MAST4: variants seen among roughly 807,000 people sequenced by gnomAD.
The protein encoded by MAST4 is microtubule-associated serine/threonine-protein kinase 4.
A neutral mutation model predicts 162.7 loss-of-function variants in MAST4; 89 were observed. The ratio of observed to expected loss-of-function variants is 0.55; its 90% CI spans 0.46 to 0.65. The LOEUF (loss-of-function observed/expected upper bound fraction) is 0.65. Among genes scored for constraint, MAST4 ranks in the 30% least tolerant of loss-of-function variants. MAST4 has a pLI of 0.00. For synonymous variants in MAST4, 1,479 were observed against 1,361.1 expected (o/e 1.09, Z -1.91); for missense variants, 3,153 against 3,374.0 (o/e 0.93, Z 1.62).
chr5:66,748,638 C>T (rs553601531), intron 1 of MAST4, among the ~76,000 whole-genome samples: 80 of 151,452 alleles, frequency 5.3e-4, no homozygotes, highest in East Asian at 2.2e-3. Context: ...TACAGGCGTG[C>T]GCAACCACAC....
At chr5:67,015,189 T>C (rs978434103) in intron 4 of MAST4, among the ~76,000 whole-genome samples, 24 of 152,218 alleles carry the variant, frequency 1.6e-4, no homozygotes, top group African/African-American at 5.8e-4. Context: ...TAAACACTTA[T>C]TTTGGCATTA....
At chr5:66,773,522 G>C (rs33728) in intron 2 of MAST4, among the ~76,000 whole-genome samples, 29,183 of 152,164 alleles carry the variant, frequency 0.19, 3,468 homozygotes, top group East Asian at 0.45. Flanking sequence ...AGTAAGAATA[G>C]AGGGGGAATC....
intron 6 of MAST4, among the ~76,000 whole-genome samples, chr5:67,090,914 C>T (rs1287493574): frequency 6.6e-6 from 1 of 151,824 alleles, no homozygotes; most frequent in Admixed American, 6.6e-5. Context: ...CTTCACCTTC[C>T]TGGGCTCCTT....
chr5:66,838,376 T>C (rs1758178707), intron 3 of MAST4, among the ~76,000 whole-genome samples: 1 of 152,182 alleles, frequency 6.6e-6, no homozygotes, highest in Admixed American at 6.5e-5. Flanking sequence ...CCCCATTCTT[T>C]GCTTTTCTTT....
intron 3 of MAST4, among the ~76,000 whole-genome samples, chr5:66,841,657 G>T (rs57517216): frequency 6.6e-6 from 1 of 152,036 alleles, no homozygotes; most frequent in African/African-American, 2.4e-5. Context: ...CTTCATAACC[G>T]AATTTAATCC....
intron 4 of MAST4, among the ~76,000 whole-genome samples, chr5:66,942,370 A>G (rs1743460215): frequency 6.6e-6 from 1 of 152,160 alleles, no homozygotes; most frequent in Non-Finnish European, 1.5e-5. Flanking sequence ...TTCTGATAGT[A>G]CCCATGGTAA....
chr5:66,775,029 GTGTGTGTA>G (rs756432223), intron 2 of MAST4, among the ~76,000 whole-genome samples: 2,679 of 144,322 alleles, frequency 0.019, 26 homozygotes, highest in East Asian at 0.046. Context: ...GTGTGTGTGT[GTGTGTGTA>G]TGTGTGTGTT....
At chr5:66,934,582 T>G (rs1361101079) in intron 4 of MAST4, among the ~76,000 whole-genome samples, 4 of 152,174 alleles carry the variant, frequency 2.6e-5, no homozygotes, top group African/African-American at 9.7e-5. Context: ...CCCTGAATTT[T>G]TTTTTTTCAG....
chr5:67,151,317 C>T lies in MAST4; in HGVS notation c.3296-1320C>T, dbSNP rs117355628. ...TTTCAGCATCTGACAAGGGCTTGTT[C>T]CTCATGGACAGCACCTTCTCTATTT... is the stretch of plus-strand genomic sequence containing the variant. On this transcript the variant is annotated intron_variant, in intron 24 of 28. Transcript: ENST00000403625. Among the ~76,000 whole-genome samples, 4 of 147,256 alleles carry T rather than the reference C, an allele frequency of 2.7e-5. No homozygotes were observed. The East Asian group carries it at 8.0e-4, about 30-fold the overall frequency.
chr5:66,992,254 A>G (rs1477805738), intron 4 of MAST4, among the ~76,000 whole-genome samples: 1 of 152,196 alleles, frequency 6.6e-6, no homozygotes, highest in African/African-American at 2.4e-5. Flanking sequence ...TGTCTGCATA[A>G]TTAGTAAATA....
At chr5:66,720,631 A>G (rs996140003) in intron 1 of MAST4, among the ~76,000 whole-genome samples, 1 of 151,824 alleles carries the variant, frequency 6.6e-6, no homozygotes, top group Non-Finnish European at 1.5e-5. Context: ...AGGTTTGTGT[A>G]TTTTATTGAT....
intron 1 of MAST4, among the ~76,000 whole-genome samples, chr5:66,700,796 TATATACACACAC>T (rs1749721089): frequency 8.6e-6 from 1 of 116,774 alleles, no homozygotes; most frequent in Non-Finnish European, 1.8e-5. Context: ...TATATATATA[TATATACACACAC>T]ACACACACAC....
At chr5:66,940,240 A>G (rs539522051) in intron 4 of MAST4, among the ~76,000 whole-genome samples, 1 of 152,200 alleles carries the variant, frequency 6.6e-6, no homozygotes, top group African/African-American at 2.4e-5. Context: ...ATGGCTGTTG[A>G]TTCATCAGGG....
chr5:67,057,910 C>G (rs1404189298), intron 5 of MAST4, among the ~76,000 whole-genome samples: 1 of 146,834 alleles, frequency 6.8e-6, no homozygotes, highest in Non-Finnish European at 1.5e-5. Context: ...AAATAGCCAA[C>G]AAAACATGAA....
At chr5:67,162,509 C>T in intron 27 of MAST4, 98 bp from the exon 28 acceptor site, 1 of 1,056,840 alleles carries the variant, frequency 9.5e-7, no homozygotes, top group East Asian at 2.4e-5. Context: ...GTATCCCTGT[C>T]CCTCACACGG....
chr5:67,135,038 G>A (rs1769443935), intron 18 of MAST4, among the ~76,000 whole-genome samples: 1 of 152,128 alleles, frequency 6.6e-6, no homozygotes, highest in Non-Finnish European at 1.5e-5. Context: ...TTACACCAGG[G>A]AAGAAAAGGT....
intron 1 of MAST4, among the ~76,000 whole-genome samples, chr5:66,621,540 G>C (rs1744075504): frequency 6.6e-6 from 1 of 152,262 alleles, no homozygotes; most frequent in East Asian, 1.9e-4. Context: ...GTGGTTACAA[G>C]AGTATTCTAT....
intron 14 of MAST4, among the ~76,000 whole-genome samples, chr5:67,124,819 G>T (rs539701575): frequency 1.3e-5 from 2 of 152,190 alleles, no homozygotes; most frequent in Non-Finnish European, 2.9e-5. Flanking sequence ...TGAGAATAAA[G>T]ACTAAAGCCG....
chr5:67,122,174 A>T (rs1168794624), intron 14 of MAST4, among the ~76,000 whole-genome samples: 2 of 152,194 alleles, frequency 1.3e-5, no homozygotes, highest in African/African-American at 4.8e-5. Context: ...TAGTTTAATT[A>T]AATATTAATC....
Sources: gnomAD v4.1 joint callset for allele counts (sites outside exome capture counted in the v4.1 genomes callset) on GRCh38, gnomAD v4.1.1 for gene constraint, MANE v1.5 for transcripts, NCBI Gene and HGNC (gene_info 2026-07-23, HGNC 2026-07-21) for gene names.